RMST: variants seen among roughly 807,000 people sequenced by gnomAD.
The protein encoded by RMST is long intergenic non-protein coding RNA 54.
chr12:97,500,711 GT>G (rs1310632676), intron 10 of RMST, among the ~76,000 whole-genome samples: 1 of 152,148 alleles, frequency 6.6e-6, no homozygotes, highest in Non-Finnish European at 1.5e-5. Flanking sequence ...GACACAGAGT[GT>G]TTAAATAACT....
chr12:97,474,047 T>C (rs1420148443), intron 5 of RMST, among the ~76,000 whole-genome samples: 2 of 152,112 alleles, frequency 1.3e-5, no homozygotes, highest in African/African-American at 4.8e-5. Flanking sequence ...ACATTCCTAG[T>C]AGACATTTCT....
At chr12:97,533,865 G>T (rs1437228838) in intron 11 of RMST, 1 of 151,742 alleles carries the variant, frequency 6.6e-6, no homozygotes, top group Non-Finnish European at 1.5e-5. Flanking sequence ...GAAGCCTGAG[G>T]TGCTATAGTT....
chr12:97,560,327 G>A (rs1401158916), intron 11 of RMST, among the ~76,000 whole-genome samples: 8 of 152,124 alleles, frequency 5.3e-5, no homozygotes, highest in South Asian at 4.1e-4. Flanking sequence ...AGACTGAGTC[G>A]AATTACCGCC....
intron 10 of RMST, among the ~76,000 whole-genome samples, chr12:97,504,853 G>A (rs1206971871): frequency 1.3e-5 from 2 of 152,130 alleles, no homozygotes; most frequent in African/African-American, 4.8e-5. Context: ...TTTATGCATT[G>A]CTCTACTGAG....
intron 4 of RMST, among the ~76,000 whole-genome samples, chr12:97,464,348 G>A (rs1872929069): frequency 6.6e-6 from 1 of 152,188 alleles, no homozygotes; most frequent in Middle Eastern, 3.2e-3. Context: ...GGACCGAAAA[G>A]CAGTCTGAAT....
chr12:97,563,030 G>A (rs995541266), intron 13 of RMST, among the ~76,000 whole-genome samples: 1 of 152,192 alleles, frequency 6.6e-6, no homozygotes, highest in African/African-American at 2.4e-5. Context: ...GGGATTTATG[G>A]TATTGAGTTT....
intron 10 of RMST, among the ~76,000 whole-genome samples, chr12:97,517,664 A>G (rs1301755639): frequency 6.6e-6 from 1 of 152,046 alleles, no homozygotes; most frequent in Non-Finnish European, 1.5e-5. Context: ...TTTCCATACT[A>G]CACATGCACT....
intron 10 of RMST, among the ~76,000 whole-genome samples, chr12:97,529,770 A>G (rs1471963207): frequency 6.6e-6 from 1 of 152,084 alleles, no homozygotes; most frequent in Non-Finnish European, 1.5e-5. Flanking sequence ...ATATATTGAG[A>G]TTTCAGTAAA....
chr12:97,476,406 C>T lies in RMST; in HGVS notation n.644+10679C>T, dbSNP rs866418122. On this transcript the variant is annotated intron_variant and non_coding_transcript_variant, in intron 5 of 13. Coordinates refer to ENST00000640149, the Ensembl canonical transcript of RMST. ...GGATGCCCAAGTGTGTATAGAAACT[C>T]GGAAATAGCACAGTCCCTCTGGTTA... Among the ~76,000 whole-genome samples, 6 of 152,132 alleles carry T rather than the reference C, an allele frequency of 3.9e-5. No individual in the cohort carries two copies. In the South Asian group the frequency reaches 8.3e-4, roughly 21 times the overall value.
Position 97,504,902 on chromosome 12 carries a change from TTCTCTC to T in RMST, n.1340+8850_1340+8855del, listed in dbSNP as rs5800315. Reference sequence around the variant, plus strand: ...ACACATAGAAAATGACTCTTGGACTTTCTCTCTCTGATGAGAGAAGGAAATGGTAAA... The same window carrying T: ...ACACATAGAAAATGACTCTTGGACTTTCTGATGAGAGAAGGAAATGGTAAA... On this transcript the variant is annotated intron_variant and non_coding_transcript_variant, in intron 10 of 13. Coordinates refer to ENST00000640149, the Ensembl canonical transcript of RMST. 8.9e-3 allele frequency among the ~76,000 whole-genome samples: 1,354 copies of T among 152,284 alleles called. 16 individuals carry two copies. The highest frequency in any genetic ancestry group is 0.031 in the African/African-American group (1,281 of 41,560).
At chr12:97,502,291 A>T (rs1878164003) in intron 10 of RMST, among the ~76,000 whole-genome samples, 1 of 152,170 alleles carries the variant, frequency 6.6e-6, no homozygotes, top group African/African-American at 2.4e-5. Flanking sequence ...TAATGTAATA[A>T]TTCATGCACT....
intron 10 of RMST, among the ~76,000 whole-genome samples, chr12:97,516,130 T>C (rs933268321): frequency 2.6e-5 from 4 of 152,126 alleles, no homozygotes; most frequent in Non-Finnish European, 5.9e-5. Context: ...ACAGAAACTA[T>C]GTCAACAGTA....
intron 11 of RMST, among the ~76,000 whole-genome samples, chr12:97,545,616 C>T (rs985049955): frequency 2.0e-5 from 3 of 152,034 alleles, no homozygotes; most frequent in Admixed American, 6.6e-5. Flanking sequence ...CAGTTTTTGG[C>T]TTCCAGTTAC....
intron 10 of RMST, among the ~76,000 whole-genome samples, chr12:97,521,251 C>T (rs2136550361): frequency 6.6e-6 from 1 of 152,100 alleles, no homozygotes; most frequent in Non-Finnish European, 1.5e-5. Context: ...TTTAAGTATA[C>T]CATGATCTTG....
At chr12:97,549,694 A>G (rs1883182706) in intron 11 of RMST, among the ~76,000 whole-genome samples, 1 of 152,204 alleles carries the variant, frequency 6.6e-6, no homozygotes, top group Admixed American at 6.5e-5. Flanking sequence ...TTGTCAAGAA[A>G]ATATATCCCT....
chr12:97,563,220 A>G (rs1884260404), intron 13 of RMST: 1 of 152,666 alleles, frequency 6.6e-6, no homozygotes, highest in African/African-American at 2.4e-5. Flanking sequence ...GCTTTTGTAG[A>G]TGGGGTTGGG....
intron 11 of RMST, among the ~76,000 whole-genome samples, chr12:97,549,258 A>G (rs1050058316): frequency 1.3e-5 from 2 of 152,350 alleles, no homozygotes; most frequent in Admixed American, 6.5e-5. Context: ...AATCACTGGC[A>G]GAGAGTTAAG....
At chr12:97,527,960 A>C (rs554205537) in intron 10 of RMST, among the ~76,000 whole-genome samples, 5 of 152,274 alleles carry the variant, frequency 3.3e-5, no homozygotes, top group African/African-American at 1.2e-4. Context: ...TATAATAAAA[A>C]ATAATAACTA....
chr12:97,553,652 A>T (rs150694081), intron 11 of RMST, among the ~76,000 whole-genome samples: 131 of 152,250 alleles, frequency 8.6e-4, no homozygotes, highest in African/African-American at 2.8e-3. Flanking sequence ...TCAACAGTTG[A>T]CACTCCTGGT....
Sources: allele counts gnomAD v4.1 joint callset (sites outside exome capture counted in the v4.1 genomes callset), GRCh38; gene constraint gnomAD v4.1.1; transcripts MANE v1.5; gene names NCBI Gene and HGNC (gene_info 2026-07-23, HGNC 2026-07-21).